Variants in FHIT observed in about 807,000 individuals in gnomAD.
FHIT encodes fragile histidine triad diadenosine triphosphatase.
A neutral mutation model predicts 17.9 loss-of-function variants in FHIT; 19 were observed. That is an observed-to-expected ratio of 1.06 (90% confidence interval 0.74 to 1.56). The LOEUF is 1.56. Among genes scored for constraint, FHIT ranks in the 40% most tolerant of loss-of-function variants. The pLI is 0.00. For missense variants in FHIT, 248 were observed against 189.2 expected (o/e 1.31, Z -1.82); for synonymous variants, 81 against 69.7 (o/e 1.16, Z -0.81).
At chr3:60,523,846 C>T (rs2035469401) in intron 5 of FHIT, among the ~76,000 whole-genome samples, 1 of 152,160 alleles carries the variant, frequency 6.6e-6, no homozygotes, top group African/African-American at 2.4e-5. Flanking sequence ...TCTTTCAAAG[C>T]AGGCCACTTT....
At chr3:61,149,834 T>A (rs902900982) in intron 2 of FHIT, among the ~76,000 whole-genome samples, 6 of 152,138 alleles carry the variant, frequency 3.9e-5, no homozygotes, top group African/African-American at 9.7e-5. Flanking sequence ...GGGCCATGAT[T>A]GTGCCACTGC....
At chr3:60,608,950 T>G (rs538523387) in intron 4 of FHIT, among the ~76,000 whole-genome samples, 106 of 152,116 alleles carry the variant, frequency 7.0e-4, no homozygotes, top group African/African-American at 2.5e-3. Context: ...AAAACAAATT[T>G]ATGTTTTAAA....
chr3:60,471,144 G>T (rs1308610028), intron 5 of FHIT, among the ~76,000 whole-genome samples: 1 of 152,164 alleles, frequency 6.6e-6, no homozygotes, highest in Admixed American at 6.5e-5. Context: ...ACAAAGGGAA[G>T]AAGGAGCTGC....
At chr3:60,159,001 T>TC (rs1313963858) in intron 5 of FHIT, among the ~76,000 whole-genome samples, 4 of 152,296 alleles carry the variant, frequency 2.6e-5, no homozygotes, top group South Asian at 2.1e-4. Context: ...TAGAGGGCAT[T>TC]AATTCTGATT....
chr3:60,398,972 T>G (rs2107182621), intron 5 of FHIT, among the ~76,000 whole-genome samples: 1 of 152,218 alleles, frequency 6.6e-6, no homozygotes, highest in African/African-American at 2.4e-5. Flanking sequence ...AGAATGAAAT[T>G]TTATTATATA....
At chr3:60,504,017 G>C (rs760944779) in intron 5 of FHIT, among the ~76,000 whole-genome samples, 1 of 152,090 alleles carries the variant, frequency 6.6e-6, no homozygotes, top group African/African-American at 2.4e-5. Context: ...ACAAAGTGAC[G>C]TTAATTTTAC....
chr3:59,955,881 A>G (rs1342067477), intron 7 of FHIT, among the ~76,000 whole-genome samples: 1 of 152,294 alleles, frequency 6.6e-6, no homozygotes, highest in East Asian at 1.9e-4. Flanking sequence ...CCACTCCTGT[A>G]TCTCCACAGT....
chr3:61,244,806 G>C (rs76565279), intron 1 of FHIT, among the ~76,000 whole-genome samples: 3,521 of 152,212 alleles, frequency 0.023, 51 homozygotes, highest in Non-Finnish European at 0.035. Context: ...ACACAACTAT[G>C]TACTTCTTCA....
intron 5 of FHIT, among the ~76,000 whole-genome samples, chr3:60,522,103 G>C (rs1343568542): frequency 1.6e-5 from 2 of 121,344 alleles, no homozygotes; most frequent in Admixed American, 1.1e-4. Context: ...ACAGCAACCA[G>C]AAGTTTTTTT....
chr3:60,931,658 C>G (rs1707963140), intron 3 of FHIT, among the ~76,000 whole-genome samples: 1 of 152,134 alleles, frequency 6.6e-6, no homozygotes, highest in East Asian at 1.9e-4. Context: ...CTGTAAAAGT[C>G]CCTGATTTAC....
At chr3:60,719,231 T>C (rs1364561037) in intron 4 of FHIT, among the ~76,000 whole-genome samples, 1 of 152,166 alleles carries the variant, frequency 6.6e-6, no homozygotes, top group Non-Finnish European at 1.5e-5. Context: ...TAATAAACCA[T>C]CTCTATTACT....
intron 8 of FHIT, among the ~76,000 whole-genome samples, chr3:59,785,518 C>A (rs559542456): frequency 6.6e-6 from 1 of 152,206 alleles, no homozygotes; most frequent in East Asian, 1.9e-4. Context: ...ACCATGTCGG[C>A]CAAGCTGGTA....
chr3:60,172,437 G>T lies in FHIT; in HGVS notation c.104-158285C>A, dbSNP rs954287999. Reference sequence around the variant, plus strand: ...TGCACCACCACGCCTGGCTAATTTTGTATTTTTTTTTTTTTTTTAGTAGAC... The same window carrying T: ...TGCACCACCACGCCTGGCTAATTTTTTATTTTTTTTTTTTTTTTAGTAGAC... On this transcript the variant is annotated intron_variant, in intron 5 of 9. Coordinates refer to ENST00000492590, the MANE Select transcript of FHIT (RefSeq NM_002012.4). Among the ~76,000 whole-genome samples the T allele has an allele frequency of 1.8e-4, 26 of 144,982 alleles. No homozygotes were observed. In the East Asian group the frequency reaches 4.6e-3, roughly 26 times the overall value.
intron 1 of FHIT, among the ~76,000 whole-genome samples, chr3:61,234,462 C>T (rs1019696984): frequency 9.2e-5 from 14 of 151,942 alleles, no homozygotes; most frequent in African/African-American, 2.7e-4. Flanking sequence ...AATATATTGA[C>T]GAGTGAAAAC....
At chr3:60,284,690 G>C (rs185679568) in intron 5 of FHIT, among the ~76,000 whole-genome samples, 2 of 152,124 alleles carry the variant, frequency 1.3e-5, no homozygotes, top group Admixed American at 1.3e-4. Context: ...ATGTTTCTAA[G>C]ATAACGCATG....
chr3:60,897,210 C>G (rs184542078), intron 3 of FHIT, among the ~76,000 whole-genome samples: 98 of 152,218 alleles, frequency 6.4e-4, no homozygotes, highest in African/African-American at 2.2e-3. Context: ...ACAACATAAC[C>G]ACGATGATGC....
rs551786814 is a variant in FHIT at position 60,677,741 on chromosome 3, G to A, written c.-17-140762C>T. ...TTTTGGAAGAGTTTCAGTAGGATGA[G>A]TATCAGTTCTTCTTTGCACATTTTG... On this transcript the variant is annotated intron_variant, in intron 4 of 9. Transcript: ENST00000492590. 5.9e-5 allele frequency among the ~76,000 whole-genome samples: 9 copies of A among 152,210 alleles called. No individual in the cohort carries two copies. In the South Asian group the frequency reaches 1.5e-3, roughly 25 times the overall value.
chr3:60,205,408 C>G (rs925341352), intron 5 of FHIT, among the ~76,000 whole-genome samples: 5 of 152,082 alleles, frequency 3.3e-5, no homozygotes, highest in African/African-American at 1.2e-4. Flanking sequence ...TCAGAACGTC[C>G]CAAATTCTGC....
intron 4 of FHIT, among the ~76,000 whole-genome samples, chr3:60,713,134 C>A (rs1379607817): frequency 6.6e-6 from 1 of 152,056 alleles, no homozygotes; most frequent in Non-Finnish European, 1.5e-5. Flanking sequence ...CACTCAAAAC[C>A]GCTCAACTAC....
Sources: allele counts gnomAD v4.1 joint callset (sites outside exome capture counted in the v4.1 genomes callset), GRCh38; gene constraint gnomAD v4.1.1; transcripts MANE v1.5; gene names NCBI Gene and HGNC (gene_info 2026-07-23, HGNC 2026-07-21).